GRM1: variants seen among roughly 807,000 people sequenced by gnomAD.
GRM1 encodes metabotropic glutamate receptor 1.
Under a neutral mutation model 90.9 loss-of-function variants are expected in GRM1, and 33 were observed. That is an observed-to-expected ratio of 0.36 (90% CI 0.28 to 0.49). The LOEUF (loss-of-function observed/expected upper bound fraction) is 0.49. Among genes scored for constraint, GRM1 ranks in the 20% least tolerant of loss-of-function variants. The probability of loss-of-function intolerance (pLI) is 0.99; values close to 1 mark genes in which losing one functional copy is unlikely to be tolerated. For missense variants in GRM1, 1,190 were observed against 1,534.3 expected (o/e 0.78, Z 3.75); for synonymous variants, 700 against 613.2 (o/e 1.14, Z -2.09).
At chr6:146,267,970 G>A (rs972581201) in intron 2 of GRM1, among the ~76,000 whole-genome samples, 9 of 152,190 alleles carry the variant, frequency 5.9e-5, no homozygotes, top group African/African-American at 1.9e-4. Context: ...GGATTGCTGG[G>A]TTGAATGATA....
chr6:146,226,052 C>G (rs1780229463), intron 2 of GRM1, among the ~76,000 whole-genome samples: 1 of 152,084 alleles, frequency 6.6e-6, no homozygotes, highest in Non-Finnish European at 1.5e-5. Context: ...ATGACTCTAT[C>G]CTGAAACTCA....
At chr6:146,194,140 A>G (rs1188331654) in intron 2 of GRM1, among the ~76,000 whole-genome samples, 3 of 152,126 alleles carry the variant, frequency 2.0e-5, no homozygotes, top group African/African-American at 4.8e-5. Context: ...TAATAGTTTA[A>G]CAACATTTTC....
intron 3 of GRM1, among the ~76,000 whole-genome samples, chr6:146,342,398 A>C (rs1785015874): frequency 6.6e-6 from 1 of 152,234 alleles, no homozygotes; most frequent in African/African-American, 2.4e-5. Flanking sequence ...ACATTTGTTA[A>C]TATTGTGACA....
At chr6:146,223,724 C>T (rs1419046484) in intron 2 of GRM1, among the ~76,000 whole-genome samples, 6 of 152,176 alleles carry the variant, frequency 3.9e-5, no homozygotes, top group African/African-American at 1.4e-4. Flanking sequence ...CCTTTCTCCG[C>T]CACATATTTC....
intron 2 of GRM1, among the ~76,000 whole-genome samples, chr6:146,222,127 ACT>A (rs1780083277): frequency 6.6e-6 from 1 of 152,070 alleles, no homozygotes; most frequent in Non-Finnish European, 1.5e-5. Flanking sequence ...CTTGCTTCTA[ACT>A]CTAATTCTAA....
In GRM1 at chr6:146,219,496, T is replaced by G. The variant is rs77828524; in HGVS notation, c.950+59899T>G. ...GGCGGTTTTGAAAGTGTAGGACATA[T>G]CCCATTAGTAAGTCATGGAATCAGT... On this transcript the variant is annotated intron_variant, in intron 2 of 7. Transcript: ENST00000282753. Among the ~76,000 whole-genome samples the G allele has an allele frequency of 1.5e-3, 221 of 151,582 alleles. 5 individuals carry two copies. In the East Asian group the frequency reaches 0.039, roughly 27 times the overall value.
At chr6:146,034,091 C>T (rs571832208) in intron 1 of GRM1, among the ~76,000 whole-genome samples, 86 of 152,144 alleles carry the variant, frequency 5.7e-4, no homozygotes, top group African/African-American at 1.9e-3. Flanking sequence ...TGCTTGCCCA[C>T]GCTCAAAGCT....
At chr6:146,355,993 A>C (rs143286929) in intron 4 of GRM1, among the ~76,000 whole-genome samples, 2 of 152,332 alleles carry the variant, frequency 1.3e-5, no homozygotes, top group East Asian at 3.9e-4. Flanking sequence ...ACTTTGCAGA[A>C]CTAGTAAGGA....
intron 3 of GRM1, among the ~76,000 whole-genome samples, chr6:146,349,727 C>G (rs777059186): frequency 6.6e-6 from 1 of 152,070 alleles, no homozygotes; most frequent in South Asian, 2.1e-4. Flanking sequence ...TTGAAAAAAG[C>G]AGTGCCAGAT....
intron 1 of GRM1, among the ~76,000 whole-genome samples, chr6:146,037,480 T>C (rs1790932960): frequency 6.6e-6 from 1 of 151,888 alleles, no homozygotes; most frequent in African/African-American, 2.4e-5. Context: ...GCCAAAGTTT[T>C]CTTTCTTTCT....
At chr6:146,214,455 A>G (rs1440104244) in intron 2 of GRM1, among the ~76,000 whole-genome samples, 2 of 152,224 alleles carry the variant, frequency 1.3e-5, no homozygotes, top group East Asian at 3.8e-4. Flanking sequence ...AAACCTGCTT[A>G]AGGAGGTGGT....
At chr6:146,254,344 G>A (rs1400591062) in intron 2 of GRM1, among the ~76,000 whole-genome samples, 5 of 152,072 alleles carry the variant, frequency 3.3e-5, no homozygotes, top group African/African-American at 1.2e-4. Flanking sequence ...TGGAAGGAAG[G>A]CCCTGGGGTT....
intron 2 of GRM1, among the ~76,000 whole-genome samples, chr6:146,229,935 A>G (rs987039958): frequency 1.3e-5 from 2 of 152,190 alleles, no homozygotes; most frequent in South Asian, 2.1e-4. Flanking sequence ...GACTTGCTCT[A>G]GAGCTCTAAC....
At chr6:146,312,079 C>A (rs1355706428) in intron 3 of GRM1, among the ~76,000 whole-genome samples, 1 of 152,014 alleles carries the variant, frequency 6.6e-6, no homozygotes, top group Admixed American at 6.6e-5. Context: ...CGGTGGCTCA[C>A]GCCTGTAATC....
At chr6:146,035,830 A>G (rs1790870873) in intron 1 of GRM1, among the ~76,000 whole-genome samples, 1 of 152,066 alleles carries the variant, frequency 6.6e-6, no homozygotes, top group African/African-American at 2.4e-5. Context: ...TTTTAAAGTC[A>G]TTAATCAGTA....
rs185997592 is a variant in GRM1, at chr6:146,078,605, G to C, written c.700+48388G>C. 1.7e-3 allele frequency among the ~76,000 whole-genome samples: 266 copies of C among 152,244 alleles called. 1 individual carries two copies. The highest frequency in any genetic ancestry group is 6.1e-3 in the African/African-American group (253 of 41,548). The stretch of plus-strand genomic sequence containing the variant: ...GGTTAAGAAAGACTGATTATCACTA[G>C]ATAATTTATAAATATATTTGGATAC... On this transcript the variant is annotated intron_variant, in intron 1 of 7. Transcript: ENST00000282753.
intron 7 of GRM1, among the ~76,000 whole-genome samples, chr6:146,410,203 G>A (rs577280831): frequency 5.9e-5 from 9 of 152,228 alleles, no homozygotes; most frequent in African/African-American, 2.2e-4. Flanking sequence ...TGTAGCTGTT[G>A]ATTCCATTAG....
intron 7 of GRM1, among the ~76,000 whole-genome samples, chr6:146,414,833 T>C (rs1220669915): frequency 6.6e-6 from 1 of 152,250 alleles, no homozygotes; most frequent in Non-Finnish European, 1.5e-5. Flanking sequence ...TTTTTAATTT[T>C]GATGAAGTCC....
At chr6:146,274,414 A>C (rs890649420) in intron 2 of GRM1, among the ~76,000 whole-genome samples, 8 of 152,260 alleles carry the variant, frequency 5.3e-5, no homozygotes, top group African/African-American at 1.9e-4. Context: ...TGAAGAAATC[A>C]GTAAAATAAT....
Sources: gnomAD v4.1 joint callset for allele counts (sites outside exome capture counted in the v4.1 genomes callset) on GRCh38, gnomAD v4.1.1 for gene constraint, MANE v1.5 for transcripts, NCBI Gene and HGNC (gene_info 2026-07-23, HGNC 2026-07-21) for gene names.